The following PHF20 variants were observed in gnomAD, a reference collection of about 807,000 sequenced individuals.
PHF20 encodes glioma-expressed antigen 2.
In PHF20, 23 loss-of-function variants were observed where a neutral mutation model predicts 113.5. The observed-to-expected ratio is 0.20, with a 90% CI of 0.15 to 0.29. The LOEUF is 0.29. PHF20 is among the 10% of genes least tolerant of loss of function. PHF20 has a pLI of 1.00. For synonymous variants in PHF20, 434 were observed against 457.3 expected (o/e 0.95, Z 0.65); for missense variants, 943 against 1,219.6 (o/e 0.77, Z 3.38).
chr20:35,818,670 G>A (rs2146896928), intron 2 of PHF20, among the ~76,000 whole-genome samples: 1 of 152,234 alleles, frequency 6.6e-6, no homozygotes, highest in African/African-American at 2.4e-5. Flanking sequence ...TGAGTAGGCT[G>A]GGACTATAGG....
chr20:35,834,205 T>G (rs976127882), intron 2 of PHF20, among the ~76,000 whole-genome samples: 1 of 150,640 alleles, frequency 6.6e-6, no homozygotes, highest in Non-Finnish European at 1.5e-5. Context: ...TGTCTAGTCC[T>G]GGTTATGGGA....
intron 5 of PHF20, among the ~76,000 whole-genome samples, chr20:35,860,037 G>A (rs955486674): frequency 6.6e-6 from 1 of 152,100 alleles, no homozygotes; most frequent in Non-Finnish European, 1.5e-5. Flanking sequence ...TCTCGTCTCA[G>A]CCTTCTGATT....
chr20:35,818,049 CT>C (rs1421884516), intron 2 of PHF20, among the ~76,000 whole-genome samples: 4 of 151,766 alleles, frequency 2.6e-5, no homozygotes, highest in African/African-American at 9.7e-5. Flanking sequence ...TTTAGGAGGC[CT>C]AGGTGGGCAG....
intron 4 of PHF20, among the ~76,000 whole-genome samples, chr20:35,855,778 AT>A (rs1279033389): frequency 6.6e-6 from 1 of 151,754 alleles, no homozygotes; most frequent in East Asian, 1.9e-4. Flanking sequence ...GGTTCAGGCG[AT>A]TCTCTTGCCT....
At chr20:35,883,594 G>A (rs79194469) in intron 9 of PHF20, among the ~76,000 whole-genome samples, 7,390 of 152,098 alleles carry the variant, frequency 0.049, 230 homozygotes, top group African/African-American at 0.099. Flanking sequence ...GGCACTCGCC[G>A]TCACTCCTGG....
intron 9 of PHF20, among the ~76,000 whole-genome samples, chr20:35,887,977 CT>C (rs1173881486): frequency 0.01 from 1,436 of 137,252 alleles, 15 homozygotes; most frequent in African/African-American, 0.031. Context: ...TTAGGGTTAC[CT>C]TTTTTTTTTT....
chr20:35,851,383 A>G (rs181092502), intron 4 of PHF20, among the ~76,000 whole-genome samples: 3 of 152,290 alleles, frequency 2.0e-5, no homozygotes, highest in Admixed American at 6.5e-5. Context: ...TCTTGTTTCT[A>G]GAGTCTCTGG....
chr20:35,863,436 C>T lies in PHF20; in HGVS notation c.808+36C>T, dbSNP rs866371178. 6 of 1,538,550 alleles carry T rather than the reference C, an allele frequency of 3.9e-6. No homozygotes were observed. The Middle Eastern group carries it at 1.0e-3, about 269-fold the overall frequency. On this transcript the variant is annotated intron_variant, in intron 6 of 17. Coordinates refer to ENST00000374012, the MANE Select transcript of PHF20 (RefSeq NM_016436.5). ...TAAGTGGGCTCTGCAATGGGCAATG[C>T]CAGAGTATTCTTCTGTGGCCCTTTG...
At chr20:35,937,561 G>A (rs2055889151) in intron 15 of PHF20, among the ~76,000 whole-genome samples, 1 of 152,060 alleles carries the variant, frequency 6.6e-6, no homozygotes, top group South Asian at 2.1e-4. Context: ...GAAGCCTCCA[G>A]GTAGCAGGCT....
At chr20:35,788,484 C>T (rs2041471026) in intron 1 of PHF20, among the ~76,000 whole-genome samples, 1 of 152,106 alleles carries the variant, frequency 6.6e-6, no homozygotes, top group African/African-American at 2.4e-5. Flanking sequence ...GATCCTCTCA[C>T]CTTGGCCTTC....
At chr20:35,939,205 A>C (rs2055930283) in intron 16 of PHF20, 97 bp downstream of exon 16, 1 of 1,306,134 alleles carries the variant, frequency 7.7e-7, no homozygotes. Context: ...TTTATTAATA[A>C]AACTGTATTT....
intron 9 of PHF20, among the ~76,000 whole-genome samples, chr20:35,882,665 C>T (rs1398347109): frequency 6.6e-6 from 1 of 152,230 alleles, no homozygotes; most frequent in Non-Finnish European, 1.5e-5. Flanking sequence ...GGGCCTCCGC[C>T]TTGGCCTCCC....
chr20:35,834,741 A>G (rs937844487), intron 2 of PHF20, among the ~76,000 whole-genome samples: 6 of 152,120 alleles, frequency 3.9e-5, no homozygotes, highest in African/African-American at 9.7e-5. Flanking sequence ...GTCTCATAAT[A>G]CAAACTCAGG....
At chr20:35,798,055 GTATT>G (rs201444182) in intron 1 of PHF20, among the ~76,000 whole-genome samples, 2,293 of 152,264 alleles carry the variant, frequency 0.015, 32 homozygotes, top group Non-Finnish European at 0.024. Context: ...ATTTAGGAAA[GTATT>G]TAAGAAGAAA....
chr20:35,903,786 T>C (rs553499716), intron 10 of PHF20, among the ~76,000 whole-genome samples: 1 of 152,288 alleles, frequency 6.6e-6, no homozygotes, highest in South Asian at 2.1e-4. Flanking sequence ...TCAGTAGACA[T>C]GTTCAGTGTT....
intron 1 of PHF20, among the ~76,000 whole-genome samples, chr20:35,773,544 T>C (rs962394085): frequency 6.6e-6 from 1 of 152,194 alleles, no homozygotes; most frequent in Non-Finnish European, 1.5e-5. Flanking sequence ...ATTCCTCTCC[T>C]AAAGGGCTAC....
chr20:35,909,481 G>A (rs925226800), intron 10 of PHF20, among the ~76,000 whole-genome samples: 7 of 151,988 alleles, frequency 4.6e-5, no homozygotes, highest in Non-Finnish European at 7.4e-5. Context: ...TTGTTTTTAT[G>A]TTTGGGGAAG....
intron 13 of PHF20, among the ~76,000 whole-genome samples, chr20:35,926,714 T>C (rs573099734): frequency 6.6e-6 from 1 of 152,270 alleles, no homozygotes; most frequent in East Asian, 1.9e-4. Context: ...ATTAACTTCC[T>C]AGAGGCCTTA....
chr20:35,890,663 C>A (rs1191475807), intron 9 of PHF20, among the ~76,000 whole-genome samples: 1 of 152,156 alleles, frequency 6.6e-6, no homozygotes, highest in African/African-American at 2.4e-5. Flanking sequence ...GGCAGATCAC[C>A]TGAGGTCAGG....
Sources: allele counts gnomAD v4.1 joint callset (sites outside exome capture counted in the v4.1 genomes callset), GRCh38; gene constraint gnomAD v4.1.1; transcripts MANE v1.5; gene names NCBI Gene and HGNC (gene_info 2026-07-23, HGNC 2026-07-21).